GCNT1: variants seen among roughly 807,000 people sequenced by gnomAD.
GCNT1 encodes the protein glucosaminyl (N-acetyl) transferase 1, also known as beta-1,3-galactosyl-O-glycosyl-glycoprotein beta-1,6-N-acetylglucosaminyltransferase.
A neutral mutation model predicts 26.2 loss-of-function variants in GCNT1; 16 were observed. That is an observed-to-expected ratio of 0.61 (90% CI 0.41 to 0.93). The LOEUF is 0.93. Ranked by LOEUF, GCNT1 falls within the 40% of genes least tolerant of loss-of-function variation. GCNT1 has a pLI of 0.00. For synonymous variants in GCNT1, 183 were observed against 190.8 expected (o/e 0.96, Z 0.34); for missense variants, 477 against 526.7 (o/e 0.91, Z 0.92).
chr9:76,406,496 C>CA, the GCNT1 span, among the ~76,000 whole-genome samples: 648 of 62,190 alleles, frequency 0.01, 2 homozygotes, highest in Admixed American at 0.021. Flanking sequence ...GACCCTGTCT[C>CA]AAAAAAAAAA....
chr9:76,413,653 G>GTTTTTTTTTTTTTTGTTT, the GCNT1 span, among the ~76,000 whole-genome samples: 28 of 118,670 alleles, frequency 2.4e-4, no homozygotes, highest in East Asian at 1.4e-3. Flanking sequence ...GTTTTGTTTT[G>GTTTTTTTTTTTTTTGTTT]TTTTTTTTTT....
chr9:76,475,006 G>T (rs1048409790), intron 2 of GCNT1, among the ~76,000 whole-genome samples: 1 of 152,142 alleles, frequency 6.6e-6, no homozygotes, highest in African/African-American at 2.4e-5. Flanking sequence ...GCACGATCTC[G>T]GTTCAAGCGA....
At chr9:76,406,688 G>C in the GCNT1 span, among the ~76,000 whole-genome samples, 144 of 149,528 alleles carry the variant, frequency 9.6e-4, no homozygotes, top group African/African-American at 3.4e-3. Context: ...GCAACAGAGC[G>C]AGACTCCATC....
intron 1 of GCNT1, among the ~76,000 whole-genome samples, chr9:76,444,840 T>C (rs1172079736): frequency 6.6e-6 from 1 of 152,194 alleles, no homozygotes; most frequent in Non-Finnish European, 1.5e-5. Context: ...CAGCACCTTC[T>C]TCCCTGACCA....
chr9:76,466,612 A>G lies in GCNT1; in HGVS notation c.-290+6435A>G, dbSNP rs537097515. 5.9e-5 allele frequency among the ~76,000 whole-genome samples: 9 copies of G among 152,260 alleles called. No individual in the cohort carries two copies. In the East Asian group the frequency reaches 1.7e-3, roughly 29 times the overall value. On this transcript the variant is annotated intron_variant, in intron 2 of 3. Transcript: ENST00000376730. ...CCACTGTGTCTGGCCACTACTGGGA[A>G]TTTTCTGGTAGAGAGGAAGAGCCTA...
At chr9:76,404,898 A>G in the GCNT1 span, among the ~76,000 whole-genome samples, 3 of 151,846 alleles carry the variant, frequency 2.0e-5, no homozygotes, top group African/African-American at 2.4e-5. Context: ...GCTCACTGCA[A>G]TCTCCACCTT....
At chr9:76,413,664 T>TTTG in the GCNT1 span, among the ~76,000 whole-genome samples, 243 of 117,086 alleles carry the variant, frequency 2.1e-3, 2 homozygotes, top group Non-Finnish European at 3.7e-3. Flanking sequence ...TTTTTTTTTT[T>TTTG]TTTGTTTTTT....
chr9:76,466,881 G>C (rs1824007309), intron 2 of GCNT1, among the ~76,000 whole-genome samples: 1 of 152,154 alleles, frequency 6.6e-6, no homozygotes, highest in South Asian at 2.1e-4. Context: ...ATTTTCTAGT[G>C]CCAAGCTTTG....
intron 1 of GCNT1, among the ~76,000 whole-genome samples, chr9:76,430,442 T>A (rs1823321538): frequency 6.6e-6 from 1 of 152,036 alleles, no homozygotes; most frequent in Non-Finnish European, 1.5e-5. Context: ...AGTGCAGTAG[T>A]GGGATCATGG....
chr9:76,450,787 T>C (rs1244607230), intron 1 of GCNT1, among the ~76,000 whole-genome samples: 1 of 152,258 alleles, frequency 6.6e-6, no homozygotes, highest in Non-Finnish European at 1.5e-5. Flanking sequence ...GCTTACATAC[T>C]ATTGCATATA....
At chr9:76,482,323 A>G (rs1243833078) in intron 2 of GCNT1, among the ~76,000 whole-genome samples, 2 of 150,272 alleles carry the variant, frequency 1.3e-5, no homozygotes, top group Non-Finnish European at 3.0e-5. Context: ...AGCAGCATTA[A>G]AAAAAAAAGA....
At chr9:76,469,989 C>T (rs893256548) in intron 2 of GCNT1, among the ~76,000 whole-genome samples, 1 of 152,116 alleles carries the variant, frequency 6.6e-6, no homozygotes, top group Non-Finnish European at 1.5e-5. Flanking sequence ...CCCCTGGTAA[C>T]AGTAGTAGAT....
upstream of GCNT1, among the ~76,000 whole-genome samples, chr9:76,436,960 G>A (rs1020108972): frequency 6.6e-6 from 1 of 152,078 alleles, no homozygotes; most frequent in African/African-American, 2.4e-5. Flanking sequence ...GCCTGTCGTG[G>A]GGTGTGGGGA....
At chr9:76,484,765 G>A (rs765972622) in intron 2 of GCNT1, among the ~76,000 whole-genome samples, 1 of 150,706 alleles carries the variant, frequency 6.6e-6, no homozygotes, top group South Asian at 2.1e-4. Flanking sequence ...TGTATAAACT[G>A]AGCATAGCAT....
In GCNT1 at chr9:76,445,906, G is replaced by A. The variant is rs1823570134; in HGVS notation, c.-290+3591G>A. On this transcript the variant is annotated intron_variant, in intron 1 of 2. Coordinates refer to the GCNT1 transcript ENST00000442371. Reference sequence around the variant, plus strand: ...GAGGAGGGAGGATCTCTTAAGCCCAGAAGTTTGAAGCTGCAGTGAGCTGTG... The same window carrying A: ...GAGGAGGGAGGATCTCTTAAGCCCAAAAGTTTGAAGCTGCAGTGAGCTGTG... Among the ~76,000 whole-genome samples, 3 of 152,164 alleles carry A rather than the reference G, an allele frequency of 2.0e-5. No homozygotes were observed. The East Asian group carries it at 5.8e-4, about 30-fold the overall frequency.
upstream of GCNT1, among the ~76,000 whole-genome samples, chr9:76,458,476 C>G (rs1823798419): frequency 6.6e-6 from 1 of 151,246 alleles, no homozygotes; most frequent in Non-Finnish European, 1.5e-5. Context: ...GCCACCGCGC[C>G]CGGCCAGAAT....
chr9:76,431,722 A>G (rs1204639157), intron 1 of GCNT1, among the ~76,000 whole-genome samples: 1 of 152,172 alleles, frequency 6.6e-6, no homozygotes, highest in South Asian at 2.1e-4. Flanking sequence ...CCTCAAATTA[A>G]GCGGTTGGTC....
chr9:76,477,527 A>T (rs1587437898), intron 2 of GCNT1, among the ~76,000 whole-genome samples: 1 of 76,596 alleles, frequency 1.3e-5, no homozygotes, highest in Non-Finnish European at 2.7e-5. Context: ...CTCTGTCTCC[A>T]AAAAAAAAAA....
At chr9:76,471,920 G>T (rs1356404523) in intron 2 of GCNT1, among the ~76,000 whole-genome samples, 3 of 152,086 alleles carry the variant, frequency 2.0e-5, no homozygotes, top group Admixed American at 1.3e-4. Flanking sequence ...ACAGCTCACT[G>T]CTGCTTCTCC....
Sources: gnomAD v4.1 joint callset for allele counts (sites outside exome capture counted in the v4.1 genomes callset) on GRCh38, gnomAD v4.1.1 for gene constraint, MANE v1.5 for transcripts, NCBI Gene and HGNC (gene_info 2026-07-23, HGNC 2026-07-21) for gene names.